The following TRIQK variants were observed in gnomAD, a reference collection of about 807,000 sequenced individuals.
TRIQK encodes the protein triple QxxK/R motif containing, also known as triple QxxK/R motif-containing protein.
A neutral mutation model predicts 10.8 loss-of-function variants in TRIQK; 10 were observed. The observed-to-expected ratio is 0.92, with a 90% CI of 0.57 to 1.57. TRIQK has a LOEUF of 1.57. Ranked by LOEUF, TRIQK falls within the 40% of genes most tolerant of loss-of-function variation. The pLI, the probability that TRIQK is intolerant of heterozygous loss-of-function variation, is 0.00. For missense variants in TRIQK, 107 were observed against 97.7 expected (o/e 1.09, Z -0.40); for synonymous variants, 33 against 33.7 (o/e 0.98, Z 0.07).
chr8:92,895,214 A>G (rs1808530283), intron 3 of TRIQK, among the ~76,000 whole-genome samples: 1 of 152,160 alleles, frequency 6.6e-6, no homozygotes, highest in Admixed American at 6.5e-5. Context: ...CCCTTGCCAG[A>G]GGCAGGCCCC....
chr8:92,904,800 T>C (rs1301623589), intron 3 of TRIQK, among the ~76,000 whole-genome samples: 3 of 152,196 alleles, frequency 2.0e-5, no homozygotes, highest in African/African-American at 7.2e-5. Context: ...ATGGAAAGTG[T>C]CTGAGACATC....
At chr8:92,992,148 C>T (rs1813102524) in intron 1 of TRIQK, among the ~76,000 whole-genome samples, 1 of 152,068 alleles carries the variant, frequency 6.6e-6, no homozygotes, top group African/African-American at 2.4e-5. Context: ...TCTGCTTGTA[C>T]CCTTCTCTGA....
intron 3 of TRIQK, among the ~76,000 whole-genome samples, chr8:92,900,843 T>A (rs952647439): frequency 8.5e-5 from 13 of 152,112 alleles, no homozygotes; most frequent in African/African-American, 3.1e-4. Context: ...GATAAACAAT[T>A]TAGCAATATT....
intron 4 of TRIQK, among the ~76,000 whole-genome samples, chr8:92,890,158 C>A (rs1816691108): frequency 6.6e-6 from 1 of 151,546 alleles, no homozygotes; most frequent in Non-Finnish European, 1.5e-5. Flanking sequence ...AATCCTATGC[C>A]AAAATGACAA....
At chr8:93,001,239 A>G (rs548789732) in intron 1 of TRIQK, among the ~76,000 whole-genome samples, 134 of 151,334 alleles carry the variant, frequency 8.9e-4, no homozygotes, top group African/African-American at 3.2e-3. Context: ...CCCAGGAGGT[A>G]GAGCTTGCAG....
In TRIQK at chr8:92,938,805, G is replaced by T. The variant is rs529695314; in HGVS notation, c.-22+15601C>A. On this transcript the variant is annotated intron_variant, in intron 2 of 4. Coordinates refer to ENST00000521988, the MANE Select transcript of TRIQK (RefSeq NM_001171797.2). ...CTGCTGTTAATACCATAAAGTGAAA[G>T]TTGTGACTCAAAAATTATACTTTTC... Among the ~76,000 whole-genome samples the T allele has an allele frequency of 1.6e-3, 249 of 152,234 alleles. 2 individuals are homozygous for T. Among genetic ancestry groups the T allele is most frequent in the African/African-American group, 5.6e-3 (233 of 41,550 alleles).
At position 92,886,712 on chromosome 8, in the gene TRIQK, A is replaced by G; in HGVS notation, c.171T>C (p.Ala57=). 6.5e-7 allele frequency: 1 copy of G among 1,532,330 alleles called. No individual in the cohort carries two copies. The highest frequency in any genetic ancestry group is 8.7e-7 in the Non-Finnish European group (1 of 1,143,372). 94.9% of individuals were successfully genotyped at this position (1,532,330 alleles called of 1,614,324 possible). Residue 57 remains alanine, a synonymous_variant, in exon 5 of 5, where the codon GCT becomes GCC. Coordinates refer to ENST00000521988, the MANE Select transcript of TRIQK (RefSeq NM_001171797.2). ...GIKEVGLVLA[A]ILALLLAFYA... ...AGAAAGCCAGTAGTAGTGCCAATAT[A>G]GCTGCAAGTACAAGGCCAACTTCCT...
At chr8:92,989,362 G>T (rs1291374810) in intron 1 of TRIQK, among the ~76,000 whole-genome samples, 1 of 152,166 alleles carries the variant, frequency 6.6e-6, no homozygotes. Context: ...AGGCTGCACA[G>T]CAGGAGGTGA....
At chr8:92,948,757 T>C (rs73695595) in intron 2 of TRIQK, among the ~76,000 whole-genome samples, 198 of 152,346 alleles carry the variant, frequency 1.3e-3, no homozygotes, top group African/African-American at 4.5e-3. Flanking sequence ...AAGACAATTA[T>C]GTTAATTTGA....
intron 1 of TRIQK, among the ~76,000 whole-genome samples, chr8:93,008,909 A>G (rs544915665): frequency 6.5e-4 from 99 of 152,358 alleles, no homozygotes; most frequent in African/African-American, 2.2e-3. Flanking sequence ...GATTCATGAC[A>G]TTGGACTAGG....
At chr8:93,002,456 G>A (rs1405278405) in intron 1 of TRIQK, among the ~76,000 whole-genome samples, 2 of 151,276 alleles carry the variant, frequency 1.3e-5, no homozygotes, top group African/African-American at 4.9e-5. Flanking sequence ...ATGAAGGATC[G>A]TAAGAGTCTA....
At chr8:92,980,339 G>A (rs190577550) in intron 1 of TRIQK, among the ~76,000 whole-genome samples, 1 of 151,770 alleles carries the variant, frequency 6.6e-6, no homozygotes, top group Non-Finnish European at 1.5e-5. Flanking sequence ...TTATGTTTTT[G>A]CATTTATTTT....
At chr8:92,888,149 A>G (rs766135962) in intron 4 of TRIQK, among the ~76,000 whole-genome samples, 6 of 151,636 alleles carry the variant, frequency 4.0e-5, no homozygotes, top group Non-Finnish European at 8.9e-5. Flanking sequence ...GTGACACACA[A>G]CTGCAAACTC....
At chr8:92,925,163 T>C (rs1306118124) in intron 2 of TRIQK, among the ~76,000 whole-genome samples, 1 of 152,118 alleles carries the variant, frequency 6.6e-6, no homozygotes, top group African/African-American at 2.4e-5. Flanking sequence ...TAGGAAATAG[T>C]GCTAGAACAA....
chr8:93,000,980 A>C (rs969240104), intron 1 of TRIQK, among the ~76,000 whole-genome samples: 1 of 152,160 alleles, frequency 6.6e-6, no homozygotes. Flanking sequence ...TATCAATAAT[A>C]AACTTGAATG....
intron 2 of TRIQK, among the ~76,000 whole-genome samples, chr8:92,943,370 A>G (rs1811366922): frequency 6.6e-6 from 1 of 152,200 alleles, no homozygotes; most frequent in African/African-American, 2.4e-5. Context: ...AGCCAAAGCA[A>G]TTTTGAGCAA....
chr8:92,894,830 G>A (rs1195889857), intron 3 of TRIQK, among the ~76,000 whole-genome samples: 1 of 151,878 alleles, frequency 6.6e-6, no homozygotes, highest in Non-Finnish European at 1.5e-5. Context: ...CTTTGTTGTT[G>A]TTGTTAGAAT....
chr8:92,893,827 T>A (rs1466644501), intron 3 of TRIQK, among the ~76,000 whole-genome samples: 1 of 136,852 alleles, frequency 7.3e-6, no homozygotes, highest in Non-Finnish European at 1.6e-5. Flanking sequence ...ATATGCCCTA[T>A]AATAATCTCT....
Position 92,949,724 on chromosome 8 carries a change from G to A in TRIQK, c.-22+4682C>T, listed in dbSNP as rs191211966. ...AAGAGAAAGGAAGGGAGGGAGGGAG[G>A]GAGGAAGGAAGGAAGAAAGGAAGGA... is the stretch of plus-strand genomic sequence containing the variant. On this transcript the variant is annotated intron_variant, in intron 2 of 4. Coordinates refer to ENST00000521988, the MANE Select transcript of TRIQK (RefSeq NM_001171797.2). 6.3e-3 allele frequency among the ~76,000 whole-genome samples: 653 copies of A among 103,022 alleles called. 27 individuals carry two copies. The highest frequency in any genetic ancestry group is 7.2e-3 in the Non-Finnish European group (392 of 54,518). The allele number at this position is 103,022 out of a possible 152,430, so 67.6% of individuals were successfully genotyped here.
Sources: allele counts gnomAD v4.1 joint callset (sites outside exome capture counted in the v4.1 genomes callset), GRCh38; gene constraint gnomAD v4.1.1; transcripts MANE v1.5; gene names NCBI Gene and HGNC (gene_info 2026-07-23, HGNC 2026-07-21).